Variants in ROBO2 observed in about 807,000 individuals in gnomAD.
ROBO2 encodes the protein roundabout guidance receptor 2.
A neutral mutation model predicts 160.8 loss-of-function variants in ROBO2; 53 were observed. The observed-to-expected ratio is 0.33, with a 90% CI of 0.26 to 0.41. The LOEUF (loss-of-function observed/expected upper bound fraction) is 0.41, where lower values mean the gene tolerates loss of function less well. Ranked by LOEUF, ROBO2 falls within the 10% of genes least tolerant of loss-of-function variation. The pLI is 1.00. For synonymous variants in ROBO2, 664 were observed against 611.7 expected, an observed-to-expected ratio of 1.09 and a Z score of -1.26; for missense variants, 1,577 against 1,722.4, an observed-to-expected ratio of 0.92 and a Z score of 1.49.
intron 2 of ROBO2, among the ~76,000 whole-genome samples, chr3:76,174,823 T>G (rs1370778615): frequency 6.6e-6 from 1 of 152,176 alleles, no homozygotes; most frequent in Non-Finnish European, 1.5e-5. Flanking sequence ...TTCTTTTTGC[T>G]TAGGATTGTC....
rs527371881 is a variant in ROBO2 at position 77,623,996 on chromosome 3, A to G, written c.3760+1564A>G. 4.7e-4 allele frequency among the ~76,000 whole-genome samples: 72 copies of G among 152,314 alleles called. 3 individuals are homozygous for G. The South Asian group carries it at 0.014, about 31-fold the overall frequency. On this transcript the variant is annotated intron_variant, in intron 23 of 25. Transcript: ENST00000461745. ...AGGCTGCCTGATGTGACTGCAGCTCAAGCAGTCTGTATTTCTCCTGTAGCT... is the reference window on the plus strand; with the variant it reads ...AGGCTGCCTGATGTGACTGCAGCTCGAGCAGTCTGTATTTCTCCTGTAGCT...
chr3:76,448,857 G>C (rs1050493603), intron 2 of ROBO2, among the ~76,000 whole-genome samples: 2 of 152,100 alleles, frequency 1.3e-5, no homozygotes, highest in Non-Finnish European at 2.9e-5. Flanking sequence ...GTGCTAGTAG[G>C]AAGTGGTGGG....
At chr3:77,014,783 A>G (rs2062136301) in intron 2 of ROBO2, among the ~76,000 whole-genome samples, 2 of 152,016 alleles carry the variant, frequency 1.3e-5, no homozygotes, top group Non-Finnish European at 2.9e-5. Flanking sequence ...TGCAAGAGAG[A>G]GAGAGAGAGA....
chr3:77,030,216 T>G (rs1202760782), intron 2 of ROBO2, among the ~76,000 whole-genome samples: 2 of 152,200 alleles, frequency 1.3e-5, no homozygotes, highest in Non-Finnish European at 2.9e-5. Context: ...AGTGCTGGGA[T>G]TACAGGCGTA....
intron 17 of ROBO2, among the ~76,000 whole-genome samples, chr3:77,592,576 G>A (rs1457047855): frequency 6.6e-6 from 1 of 152,032 alleles, no homozygotes; most frequent in African/African-American, 2.4e-5. Context: ...TTTTGAGAGA[G>A]AGTCTCACTC....
intron 2 of ROBO2, among the ~76,000 whole-genome samples, chr3:76,087,848 G>A (rs776699244): frequency 1.3e-5 from 2 of 151,998 alleles, no homozygotes; most frequent in African/African-American, 2.4e-5. Flanking sequence ...TGGATTACAT[G>A]TAAAGGTATA....
chr3:76,025,427 A>G (rs1163048311), intron 2 of ROBO2, among the ~76,000 whole-genome samples: 1 of 151,718 alleles, frequency 6.6e-6, no homozygotes, highest in East Asian at 1.9e-4. Flanking sequence ...AGGAAAAACT[A>G]GAAGTGAAGG....
At chr3:76,500,615 T>G (rs2080407001) in intron 2 of ROBO2, among the ~76,000 whole-genome samples, 1 of 152,168 alleles carries the variant, frequency 6.6e-6, no homozygotes. Flanking sequence ...ATTTGTCACA[T>G]TCTTCACAAA....
At chr3:76,286,299 C>CA (rs1708501859) in intron 2 of ROBO2, among the ~76,000 whole-genome samples, 5 of 152,102 alleles carry the variant, frequency 3.3e-5, no homozygotes, top group Admixed American at 3.3e-4. Context: ...GAAACAGCAT[C>CA]ATTCAAGGAT....
chr3:76,825,808 C>T (rs538529709), intron 2 of ROBO2, among the ~76,000 whole-genome samples: 20 of 152,008 alleles, frequency 1.3e-4, no homozygotes, highest in African/African-American at 4.3e-4. Flanking sequence ...AATACTCACA[C>T]GCATATGGAC....
At chr3:76,975,984 A>G (rs2059797796) in intron 2 of ROBO2, among the ~76,000 whole-genome samples, 2 of 152,210 alleles carry the variant, frequency 1.3e-5, no homozygotes, top group Non-Finnish European at 2.9e-5. Context: ...TAAAATGGGC[A>G]GATAATTGGA....
intron 2 of ROBO2, among the ~76,000 whole-genome samples, chr3:76,205,517 G>A (rs1213951344): frequency 1.3e-5 from 2 of 152,154 alleles, no homozygotes; most frequent in African/African-American, 2.4e-5. Flanking sequence ...CGTCTGTATA[G>A]AGGATTTGTT....
chr3:76,905,430 T>C (rs1433504823), intron 2 of ROBO2, among the ~76,000 whole-genome samples: 1 of 152,146 alleles, frequency 6.6e-6, no homozygotes, highest in East Asian at 1.9e-4. Context: ...AAAATATATA[T>C]TTTTAACATT....
rs551383639 is a variant in ROBO2 at position 76,992,383 on chromosome 3, T to TA, written c.110-105622dup. ...TATATATATATAAATTTAGCTTTTG[T>TA]AAAAAAAAAGTATATGCATATTTAA... On this transcript the variant is annotated intron_variant, in intron 2 of 26. Coordinates refer to the ROBO2 transcript ENST00000487694. 5.3e-3 allele frequency among the ~76,000 whole-genome samples: 718 copies of TA among 135,078 alleles called. 7 individuals are homozygous for TA. The highest frequency in any genetic ancestry group is 0.017 in the African/African-American group (630 of 36,632). The allele number at this position is 135,078 out of a possible 152,430, so 88.6% of individuals were successfully genotyped here.
intron 2 of ROBO2, among the ~76,000 whole-genome samples, chr3:76,111,048 A>AC (rs1292792450): frequency 1.3e-5 from 2 of 152,028 alleles, no homozygotes; most frequent in African/African-American, 4.8e-5. Flanking sequence ...TGAAGTCCTG[A>AC]CCCCCAATAC....
chr3:76,027,066 T>C (rs958807394), intron 2 of ROBO2, among the ~76,000 whole-genome samples: 1 of 152,002 alleles, frequency 6.6e-6, no homozygotes, highest in South Asian at 2.1e-4. Context: ...TCTATCGTTC[T>C]ATAAAAATAT....
At chr3:76,185,523 G>A (rs1248628955) in intron 2 of ROBO2, among the ~76,000 whole-genome samples, 1 of 151,972 alleles carries the variant, frequency 6.6e-6, no homozygotes, top group African/African-American at 2.4e-5. Flanking sequence ...CATGGGAAGA[G>A]AGGAGAAAAC....
chr3:76,710,815 T>C (rs984975509), intron 2 of ROBO2, among the ~76,000 whole-genome samples: 1 of 152,098 alleles, frequency 6.6e-6, no homozygotes, highest in Non-Finnish European at 1.5e-5. Flanking sequence ...TAAGATGCAA[T>C]TAAAAGAGAG....
At chr3:76,409,975 T>G (rs879291117) in intron 2 of ROBO2, among the ~76,000 whole-genome samples, 1 of 152,092 alleles carries the variant, frequency 6.6e-6, no homozygotes, top group Non-Finnish European at 1.5e-5. Flanking sequence ...TTATATCAAT[T>G]TCTGAGAGGA....
Sources: gnomAD v4.1 joint callset for allele counts (sites outside exome capture counted in the v4.1 genomes callset) on GRCh38, gnomAD v4.1.1 for gene constraint, MANE v1.5 for transcripts, NCBI Gene and HGNC (gene_info 2026-07-23, HGNC 2026-07-21) for gene names.